The following CCDC9 variants were observed in gnomAD, a reference collection of about 807,000 sequenced individuals.
CCDC9 encodes the protein coiled-coil domain-containing protein 9.
A neutral mutation model predicts 65.6 loss-of-function variants in CCDC9; 52 were observed. The observed-to-expected ratio is 0.79, with a 90% confidence interval of 0.63 to 1.00. The LOEUF is 1.00. Among genes scored for constraint, CCDC9 ranks in the 50% least tolerant of loss-of-function variants. The pLI, the probability that CCDC9 is intolerant of heterozygous loss-of-function variation, is 0.00. For missense variants in CCDC9, 834 were observed against 757.2 expected (o/e 1.10, Z -1.19); for synonymous variants, 332 against 280.3 (o/e 1.18, Z -1.84).
At chr19:47,267,792 AC>A (rs1374862404) in intron 8 of CCDC9, among the ~76,000 whole-genome samples, 1 of 151,456 alleles carries the variant, frequency 6.6e-6, no homozygotes, top group Admixed American at 6.6e-5. Flanking sequence ...CCAGCCTCTG[AC>A]CTGTCCCCAG....
chr19:47,258,743 C>G, intron 3 of CCDC9, 80 bp downstream of exon 3: 17 of 1,027,790 alleles, frequency 1.7e-5, no homozygotes, highest in Non-Finnish European at 2.6e-5. Flanking sequence ...TTCCTTAAAA[C>G]CTTTTCATGG....
chr19:47,263,429 G>T (rs1003018015), intron 5 of CCDC9, among the ~76,000 whole-genome samples: 1 of 152,204 alleles, frequency 6.6e-6, no homozygotes, highest in African/African-American at 2.4e-5. Context: ...TGGAGTCCCA[G>T]GGGATGCGCT....
intron 10 of CCDC9, 30 bp from the exon 11 acceptor site, chr19:47,271,052 A>G (rs967174904): frequency 5.4e-6 from 8 of 1,481,732 alleles, no homozygotes; most frequent in Non-Finnish European, 7.3e-6. Flanking sequence ...CTCTCCACCC[A>G]GGCATCACCC....
chr19:47,275,547 C>A, downstream of CCDC9: 1 of 687,156 alleles, frequency 1.5e-6, no homozygotes. Context: ...GTGGTCAGGC[C>A]GGGTCCTCCA....
chr19:47,265,043 T>G (rs2059072221), intron 7 of CCDC9, 97 bp downstream of exon 7: 1 of 1,098,906 alleles, frequency 9.1e-7, no homozygotes, highest in Admixed American at 3.6e-5. Context: ...GGCCTCTCCT[T>G]TTTTGTGCCA....
intron 5 of CCDC9, 77 bp downstream of exon 5, chr19:47,260,916 C>G (rs2059041081): frequency 1.3e-6 from 2 of 1,495,010 alleles, no homozygotes; most frequent in African/African-American, 2.8e-5. Context: ...CTCTCAGATG[C>G]ACATTTGTCC....
Position 47,266,657 on chromosome 19 carries a change from TG to T in CCDC9, c.768del (p.Met256IlefsTer172), listed in dbSNP as rs2059084367. On this transcript the variant is annotated frameshift_variant, in exon 8 of 12. Coordinates refer to ENST00000221922, the MANE Select transcript of CCDC9 (RefSeq NM_015603.3). LOFTEE classifies it high-confidence loss of function. ...AGTGCTGGAGACATGACGTTGTCCA[TG>T]ACGGGCCGGGAGCGGTCGGAGTACC... ...LGSAGDMTLS[M>X]TGRERSEYLR... The T allele has an allele frequency of 6.3e-7, 1 of 1,594,560 alleles. No individual in the cohort carries two copies. Among genetic ancestry groups the T allele is most frequent in the Non-Finnish European group, 8.5e-7 (1 of 1,170,764 alleles).
At chr19:47,256,696 G>A (rs2059011394) in intron 1 of CCDC9, 87 bp downstream of exon 1, 1 of 151,492 alleles carries the variant, frequency 6.6e-6, no homozygotes, top group Non-Finnish European at 1.5e-5. Context: ...AGGCCCGGGC[G>A]GGGTCGGAGT....
At chr19:47,262,711 A>G (rs557636618) in intron 5 of CCDC9, among the ~76,000 whole-genome samples, 9 of 152,302 alleles carry the variant, frequency 5.9e-5, no homozygotes, top group African/African-American at 2.2e-4. Flanking sequence ...CTGGGAAATG[A>G]AAACGTTGTC....
At chr19:47,273,442 G>C, downstream of CCDC9, 1 of 1,203,976 alleles carries the variant, frequency 8.3e-7, no homozygotes, top group Non-Finnish European at 1.0e-6. Flanking sequence ...CCCCTCCGCT[G>C]CCGGGGGCCG....
At chr19:47,261,275 T>C (rs2059044109) in intron 5 of CCDC9, among the ~76,000 whole-genome samples, 1 of 152,096 alleles carries the variant, frequency 6.6e-6, no homozygotes, top group African/African-American at 2.4e-5. Context: ...TCTGGTGGGC[T>C]CTCTCTATCT....
Position 47,265,989 on chromosome 19 carries a change from T to C in CCDC9, c.721-622T>C, listed in dbSNP as rs1568639050. Reference sequence around the variant, plus strand: ...GCGTGAGCCACCGCTCCTGGCTTTTTTTTTTTTTTTTTTTTTTTTTTTTTG... The same window carrying C: ...GCGTGAGCCACCGCTCCTGGCTTTTCTTTTTTTTTTTTTTTTTTTTTTTTG... On this transcript the variant is annotated intron_variant, in intron 7 of 11. Transcript: ENST00000221922. Among the ~76,000 whole-genome samples the C allele has an allele frequency of 1.2e-4, 9 of 76,832 alleles. 1 individual carries two copies. The highest frequency in any genetic ancestry group is 4.5e-4 in the African/African-American group (9 of 19,856). 50.4% of individuals were successfully genotyped at this position (76,832 alleles called of 152,430 possible).
At chr19:47,275,275 A>T, downstream of CCDC9, 1 of 1,545,006 alleles carries the variant, frequency 6.5e-7, no homozygotes, top group Non-Finnish European at 8.7e-7. Flanking sequence ...CGCTACAGCG[A>T]CCCTGACCGC....
At position 47,258,567 on chromosome 19, in the gene CCDC9, A is replaced by T; in HGVS notation, c.12A>T (p.Thr4=). Residue 4 remains threonine, a synonymous_variant, in exon 3 of 12, where the codon ACA becomes ACT. Coordinates refer to ENST00000221922, the MANE Select transcript of CCDC9 (RefSeq NM_015603.3). MAA[T]LDLKSKEEKD... is the part of the protein sequence containing the mutation. ...CTGCCTCCCGGTCTCAGGCAGCCACACTCGATTTGAAATCAAAGGAGGAGA... is the reference window on the plus strand; with the variant it reads ...CTGCCTCCCGGTCTCAGGCAGCCACTCTCGATTTGAAATCAAAGGAGGAGA... 1 of 1,613,912 alleles carries T rather than the reference A, an allele frequency of 6.2e-7. No individual in the cohort carries two copies. Among genetic ancestry groups the T allele is most frequent in the Admixed American group, 1.7e-5 (1 of 59,992 alleles).
chr19:47,267,594 C>T (rs2059090685), intron 8 of CCDC9, among the ~76,000 whole-genome samples: 1 of 152,180 alleles, frequency 6.6e-6, no homozygotes, highest in East Asian at 1.9e-4. Context: ...CTTGCCCTGA[C>T]ATGGGCAGAT....
intron 5 of CCDC9, among the ~76,000 whole-genome samples, chr19:47,261,711 CAAAAAAAA>C (rs758107358): frequency 8.0e-5 from 4 of 50,150 alleles, no homozygotes; most frequent in East Asian, 5.6e-4. Flanking sequence ...GACTCTGTAT[CAAAAAAAA>C]AAAAAAAAAA....
At chr19:47,274,674 G>A (rs12978387), downstream of CCDC9, 3 of 236,466 alleles carry the variant, frequency 1.3e-5, no homozygotes, top group Admixed American at 1.4e-4. Flanking sequence ...GTGGGGCTAA[G>A]CGCGGGGGCG....
downstream of CCDC9, among the ~76,000 whole-genome samples, chr19:47,273,184 C>G (rs2123491109): frequency 6.6e-6 from 1 of 151,964 alleles, no homozygotes; most frequent in Admixed American, 6.6e-5. Context: ...TTTGCTGCTG[C>G]GTGGGTCCGC....
At chr19:47,275,083 G>A (rs2059149082), downstream of CCDC9, 1 of 1,495,934 alleles carries the variant, frequency 6.7e-7, no homozygotes, top group South Asian at 1.3e-5. Context: ...GGTCTCATCT[G>A]GGTACCCACG....
Sources: allele counts gnomAD v4.1 joint callset (sites outside exome capture counted in the v4.1 genomes callset), GRCh38; gene constraint gnomAD v4.1.1; transcripts MANE v1.5; gene names NCBI Gene and HGNC (gene_info 2026-07-23, HGNC 2026-07-21).